ECM2: variants seen among roughly 807,000 people sequenced by gnomAD.
ECM2 encodes extracellular matrix protein 2, female organ and adipocyte specific.
A neutral mutation model predicts 67.5 loss-of-function variants in ECM2; 57 were observed. The ratio of observed to expected loss-of-function variants is 0.84; its 90% confidence interval spans 0.68 to 1.05. The LOEUF is 1.05. Among genes scored for constraint, ECM2 ranks in the 50% least tolerant of loss-of-function variants. The probability of loss-of-function intolerance (pLI) is 0.00; values close to 1 mark genes in which losing one functional copy is unlikely to be tolerated. For missense variants in ECM2, 741 were observed against 822.8 expected (o/e 0.90, Z 1.22); for synonymous variants, 258 against 294.5 (o/e 0.88, Z 1.27).
At chr9:92,499,920 T>C (rs995978789) in intron 9 of ECM2, among the ~76,000 whole-genome samples, 2 of 152,050 alleles carry the variant, frequency 1.3e-5, no homozygotes, top group African/African-American at 4.8e-5. Context: ...TAGGCAGGAG[T>C]GATGATTCAG....
chr9:92,517,103 C>T (rs1347889024), intron 3 of ECM2: 1 of 153,730 alleles, frequency 6.5e-6, no homozygotes, highest in Admixed American at 6.5e-5. Context: ...GCCAACAAAA[C>T]CCGCGCTGTG....
At chr9:92,552,194 C>CACACAA in the ECM2 span, among the ~76,000 whole-genome samples, 3 of 141,002 alleles carry the variant, frequency 2.1e-5, no homozygotes, top group Non-Finnish European at 1.5e-5. Context: ...ATCATATACA[C>CACACAA]ACACACACAC....
chr9:92,555,593 C>T, the ECM2 span, among the ~76,000 whole-genome samples: 1 of 152,048 alleles, frequency 6.6e-6, no homozygotes, highest in African/African-American at 2.4e-5. Context: ...TTATCTAATT[C>T]TTCCTGATTT....
chr9:92,528,218 G>C (rs1461462632), intron 1 of ECM2, among the ~76,000 whole-genome samples: 1 of 152,182 alleles, frequency 6.6e-6, no homozygotes, highest in Admixed American at 6.5e-5. Flanking sequence ...ACAAAGAGCA[G>C]TCCAGGCCAG....
At chr9:92,528,751 A>G (rs1194940915) in intron 1 of ECM2, among the ~76,000 whole-genome samples, 1 of 145,898 alleles carries the variant, frequency 6.9e-6, no homozygotes, top group African/African-American at 2.4e-5. Flanking sequence ...CTTAAAAGCA[A>G]GCCTTTCTGA....
At position 92,500,931 on chromosome 9, in the gene ECM2, AACACATAG is replaced by A. The variant is rs763015482; in HGVS notation, c.1719_1726del (p.Tyr574TrpfsTer15). ...TTCCAGGCCTGGTTCCATGTGGCCA[AACACATAG>A]CCAGGGATCCGTTCAATCTGGTTCC... On this transcript the variant is annotated frameshift_variant, in exon 9 of 10. Coordinates refer to ENST00000344604, the MANE Select transcript of ECM2 (RefSeq NM_001393.4). LOFTEE classifies it high-confidence loss of function. 1 of 1,614,124 alleles carries A rather than the reference AACACATAG, an allele frequency of 6.2e-7. No individual in the cohort carries two copies. The highest frequency in any genetic ancestry group is 1.3e-5 in the African/African-American group (1 of 74,946).
At chr9:92,552,294 G>A in the ECM2 span, among the ~76,000 whole-genome samples, 4 of 151,836 alleles carry the variant, frequency 2.6e-5, no homozygotes, top group East Asian at 3.9e-4. Flanking sequence ...GAATTGTGCT[G>A]CTATAAACAT....
rs1243812725 is a variant in ECM2 at position 92,496,021 on chromosome 9, T to C, written c.*294A>G. 9.9e-7 allele frequency: 1 copy of C among 1,010,226 alleles called. No homozygotes were observed. Among genetic ancestry groups the C allele is most frequent in the Non-Finnish European group, 1.2e-6 (1 of 847,116 alleles). 62.6% of individuals were successfully genotyped at this position (1,010,226 alleles called of 1,614,324 possible). ...AAGTTGATTATAAAGGCTGTGTTTA[T>C]TTTGTTCCAGACTCTTCTGGTCTAG... is the stretch of plus-strand genomic sequence containing the variant. On this transcript the variant is annotated 3_prime_UTR_variant, in exon 10 of 10. Transcript: ENST00000344604.
At chr9:92,513,562 A>G (rs147806582) in intron 4 of ECM2, among the ~76,000 whole-genome samples, 37 of 152,328 alleles carry the variant, frequency 2.4e-4, no homozygotes, top group African/African-American at 8.9e-4. Context: ...CGTTTAACTG[A>G]TAGGAAACCC....
intron 9 of ECM2, among the ~76,000 whole-genome samples, chr9:92,499,473 G>A (rs1247713512): frequency 6.6e-6 from 1 of 152,186 alleles, no homozygotes; most frequent in East Asian, 1.9e-4. Context: ...ACATTCATCT[G>A]TGAGTGAAAC....
At chr9:92,547,125 CCAAA>C in the ECM2 span, among the ~76,000 whole-genome samples, 1 of 152,078 alleles carries the variant, frequency 6.6e-6, no homozygotes, top group Non-Finnish European at 1.5e-5. Flanking sequence ...GTGTAACAGT[CCAAA>C]CACTTTGTGA....
intron 1 of ECM2, among the ~76,000 whole-genome samples, chr9:92,532,625 T>C (rs2131286880): frequency 6.6e-6 from 1 of 152,330 alleles, no homozygotes; most frequent in Non-Finnish European, 1.5e-5. Context: ...TGCTATTAAA[T>C]CTATCCATTG....
At chr9:92,554,389 G>A in the ECM2 span, among the ~76,000 whole-genome samples, 1 of 152,096 alleles carries the variant, frequency 6.6e-6, no homozygotes, top group African/African-American at 2.4e-5. Context: ...CACCATTTTG[G>A]TCAGGCTGGT....
chr9:92,530,513 T>C (rs1300639111), intron 1 of ECM2, among the ~76,000 whole-genome samples: 2 of 152,226 alleles, frequency 1.3e-5, no homozygotes, highest in East Asian at 3.8e-4. Context: ...AAGACTTTAA[T>C]ACTATTAACC....
intron 5 of ECM2, among the ~76,000 whole-genome samples, chr9:92,511,545 A>G (rs1563976740): frequency 6.6e-6 from 1 of 151,154 alleles, no homozygotes; most frequent in East Asian, 2.0e-4. Context: ...TAATTTTTAT[A>G]TGAGCCTATT....
chr9:92,500,842 C>G lies in ECM2; in HGVS notation c.1816G>C (p.Ala606Pro), dbSNP rs1308094750. The G allele has an allele frequency of 1.2e-6, 2 of 1,614,108 alleles. No homozygotes were observed. The highest frequency in any genetic ancestry group is 1.3e-5 in the African/African-American group (1 of 75,004). Residue 606 changes from alanine (A) to proline (P), a missense_variant, in exon 9 of 10, where the codon GCA becomes CCA. Coordinates refer to ENST00000344604, the MANE Select transcript of ECM2 (RefSeq NM_001393.4). ...AATAATTCTCTCAGAGAATGATATG[C>G]CCCATAGAAGGAGACACGGTCCATG... is the stretch of plus-strand genomic sequence containing the variant. Reference protein sequence around the residue: ...DGMDRVSFYGAYHSLRELFLD... With the variant: ...DGMDRVSFYGPYHSLRELFLD...
the ECM2 span, among the ~76,000 whole-genome samples, chr9:92,550,819 C>T: frequency 6.6e-6 from 1 of 152,162 alleles, no homozygotes; most frequent in Non-Finnish European, 1.5e-5. Context: ...GAATCCTGAA[C>T]TCCTCAGGAT....
chr9:92,531,774 C>A (rs547817081), intron 1 of ECM2, among the ~76,000 whole-genome samples: 2 of 152,074 alleles, frequency 1.3e-5, no homozygotes, highest in African/African-American at 2.4e-5. Flanking sequence ...GGATTATTTT[C>A]TTCTTGACTG....
chr9:92,501,037 C>A lies in ECM2; in HGVS notation c.1621G>T (p.Asp541Tyr). 1 of 1,612,582 alleles carries A rather than the reference C, an allele frequency of 6.2e-7. No homozygotes were observed. The highest frequency in any genetic ancestry group is 1.7e-4 in the Middle Eastern group (1 of 6,058). ...WINQENLESI[D>Y]LSYNKLYHVP... ...TGATAGAGCTTGTTGTAGGAGAGAT[C>A]AATGGATTCTAGATTTCTGCAGCAA... Residue 541 changes from aspartate to tyrosine, a missense_variant, in exon 9 of 10, where the codon GAT becomes TAT. By Grantham distance (160) the Asp-to-Tyr change is radical (BLOSUM62 -3). Transcript: ENST00000344604.
Sources: gnomAD v4.1 joint callset for allele counts (sites outside exome capture counted in the v4.1 genomes callset) on GRCh38, gnomAD v4.1.1 for gene constraint, MANE v1.5 for transcripts, NCBI Gene and HGNC (gene_info 2026-07-23, HGNC 2026-07-21) for gene names.